Variants in ADAMTS3 observed in about 807,000 individuals in gnomAD.
The protein encoded by ADAMTS3 is A disintegrin and metalloproteinase with thrombospondin motifs 3.
A neutral mutation model predicts 129.0 loss-of-function variants in ADAMTS3; 73 were observed. The observed-to-expected ratio is 0.57, with a 90% CI of 0.47 to 0.69. The LOEUF (loss-of-function observed/expected upper bound fraction) is 0.69. Ranked by LOEUF, ADAMTS3 falls within the 30% of genes least tolerant of loss-of-function variation. The probability of loss-of-function intolerance (pLI) is 0.00; values close to 1 mark genes in which losing one functional copy is unlikely to be tolerated. For synonymous variants in ADAMTS3, 477 were observed against 510.8 expected, an observed-to-expected ratio of 0.93 and a Z score of 0.89; for missense variants, 1,457 against 1,514.5, an observed-to-expected ratio of 0.96 and a Z score of 0.63.
chr4:72,364,952 A>G (rs1018398845), intron 4 of ADAMTS3, among the ~76,000 whole-genome samples: 3 of 152,176 alleles, frequency 2.0e-5, no homozygotes, highest in South Asian at 2.1e-4. Context: ...ATGCTATATT[A>G]TAAGTTTCTG....
At chr4:72,441,553 T>C (rs1172211879) in intron 3 of ADAMTS3, 3 of 151,820 alleles carry the variant, frequency 2.0e-5, no homozygotes, top group Non-Finnish European at 2.9e-5. Context: ...AGTTTATCTA[T>C]GGTTTTCATG....
chr4:72,368,042 C>G (rs1251035666), intron 4 of ADAMTS3, among the ~76,000 whole-genome samples: 1 of 152,044 alleles, frequency 6.6e-6, no homozygotes, highest in African/African-American at 2.4e-5. Flanking sequence ...AATATAGATA[C>G]TCGTAAATGT....
At chr4:72,474,019 A>G (rs1326202299) in intron 3 of ADAMTS3, among the ~76,000 whole-genome samples, 1 of 151,994 alleles carries the variant, frequency 6.6e-6, no homozygotes, top group East Asian at 1.9e-4. Flanking sequence ...TGAGGAACAC[A>G]AACTTTTATC....
At chr4:72,415,085 T>G in intron 3 of ADAMTS3, 114 bp from the exon 4 acceptor site, 2 of 748,930 alleles carry the variant, frequency 2.7e-6, no homozygotes, top group Non-Finnish European at 3.8e-6. Flanking sequence ...ACGCTTTTTC[T>G]TTCCACATTT....
chr4:72,320,976 T>A, intron 6 of ADAMTS3, 106 bp from the exon 7 acceptor site: 1 of 1,182,358 alleles, frequency 8.5e-7, no homozygotes, highest in Non-Finnish European at 1.2e-6. Flanking sequence ...TAAACAATGA[T>A]TCAATAATAT....
At chr4:72,555,412 A>G (rs573121965) in intron 2 of ADAMTS3, among the ~76,000 whole-genome samples, 2 of 151,872 alleles carry the variant, frequency 1.3e-5, no homozygotes, top group Non-Finnish European at 2.9e-5. Context: ...CTCTCCACCA[A>G]GGCAAACTGA....
intron 3 of ADAMTS3, among the ~76,000 whole-genome samples, chr4:72,491,444 T>C (rs980724314): frequency 1.1e-4 from 16 of 151,858 alleles, no homozygotes; most frequent in Non-Finnish European, 1.8e-4. Context: ...TTTTCATATA[T>C]AGACTTCACT....
At chr4:72,489,637 C>T (rs182198296) in intron 3 of ADAMTS3, among the ~76,000 whole-genome samples, 20 of 152,020 alleles carry the variant, frequency 1.3e-4, no homozygotes, top group African/African-American at 4.3e-4. Context: ...TCAATGGCTA[C>T]GGCATTCACC....
intron 3 of ADAMTS3, among the ~76,000 whole-genome samples, chr4:72,431,522 T>G (rs1356505369): frequency 2.0e-5 from 3 of 152,032 alleles, no homozygotes; most frequent in Admixed American, 2.0e-4. Flanking sequence ...ACTGAAAACT[T>G]TGTTTCATGC....
chr4:72,307,809 TA>T (rs1719127248), intron 15 of ADAMTS3, among the ~76,000 whole-genome samples: 1 of 152,000 alleles, frequency 6.6e-6, no homozygotes. Context: ...TGGAAAAGGT[TA>T]ATTAGTCTAT....
At chr4:72,527,423 C>T (rs1720843084) in intron 3 of ADAMTS3, among the ~76,000 whole-genome samples, 1 of 152,156 alleles carries the variant, frequency 6.6e-6, no homozygotes, top group Non-Finnish European at 1.5e-5. Flanking sequence ...CCCACTCTAA[C>T]CTCATGGGGC....
intron 17 of ADAMTS3, among the ~76,000 whole-genome samples, chr4:72,300,637 A>G (rs1718925919): frequency 6.6e-6 from 1 of 152,186 alleles, no homozygotes; most frequent in Non-Finnish European, 1.5e-5. Flanking sequence ...GTGCTAAAAC[A>G]ACTGGACATT....
intron 6 of ADAMTS3, among the ~76,000 whole-genome samples, chr4:72,322,485 T>C (rs1234055251): frequency 6.6e-6 from 1 of 152,204 alleles, no homozygotes; most frequent in Admixed American, 6.5e-5. Context: ...ATTAAAGCTC[T>C]TTTAAATGAA....
At chr4:72,301,464 G>T (rs952533868) in intron 17 of ADAMTS3, among the ~76,000 whole-genome samples, 8 of 152,066 alleles carry the variant, frequency 5.3e-5, no homozygotes, top group African/African-American at 1.9e-4. Flanking sequence ...ATGGGCAAAA[G>T]ATTTGAACAG....
intron 5 of ADAMTS3, among the ~76,000 whole-genome samples, chr4:72,326,520 C>T (rs1446305244): frequency 6.6e-6 from 1 of 151,996 alleles, no homozygotes; most frequent in Non-Finnish European, 1.5e-5. Flanking sequence ...CACGGATAAA[C>T]TGAGTGACCT....
At chr4:72,336,648 A>C (rs926895224) in intron 5 of ADAMTS3, among the ~76,000 whole-genome samples, 2 of 152,264 alleles carry the variant, frequency 1.3e-5, no homozygotes, top group Admixed American at 1.3e-4. Context: ...CTCCAGGGGG[A>C]AAACCTGAAA....
At chr4:72,306,702 A>G (rs1327767156) in intron 15 of ADAMTS3, among the ~76,000 whole-genome samples, 2 of 151,970 alleles carry the variant, frequency 1.3e-5, no homozygotes, top group Non-Finnish European at 2.9e-5. Context: ...TAAACCACTT[A>G]GTTGGAAAAT....
At chr4:72,283,769 A>G in intron 21 of ADAMTS3, 65 bp from the exon 22 acceptor site, 1 of 1,403,388 alleles carries the variant, frequency 7.1e-7, no homozygotes, top group Non-Finnish European at 9.4e-7. Flanking sequence ...GGAGGAAAAA[A>G]ATTAAAATTT....
chr4:72,518,322 G>T (rs980457457), intron 3 of ADAMTS3, among the ~76,000 whole-genome samples: 2 of 152,162 alleles, frequency 1.3e-5, no homozygotes, highest in Admixed American at 6.6e-5. Flanking sequence ...TGTTGATATG[G>T]GGTGGAGAGT....
Sources: gnomAD v4.1 joint callset for allele counts (sites outside exome capture counted in the v4.1 genomes callset) on GRCh38, gnomAD v4.1.1 for gene constraint, MANE v1.5 for transcripts, NCBI Gene and HGNC (gene_info 2026-07-23, HGNC 2026-07-21) for gene names.